The following ARSJ variants were observed in gnomAD, a reference collection of about 807,000 sequenced individuals.
ARSJ encodes the protein arylsulfatase J.
A neutral mutation model predicts 35.9 loss-of-function variants in ARSJ; 26 were observed. The ratio of observed to expected loss-of-function variants is 0.72; its 90% CI spans 0.53 to 1.00. The LOEUF is 1.00. Among genes scored for constraint, ARSJ ranks in the 50% least tolerant of loss-of-function variants. The pLI is 0.00. For missense variants in ARSJ, 667 were observed against 723.6 expected (o/e 0.92, Z 0.90); for synonymous variants, 294 against 267.6 (o/e 1.10, Z -0.96).
intron 1 of ARSJ, among the ~76,000 whole-genome samples, chr4:113,977,931 C>T (rs1331902123): frequency 6.6e-6 from 1 of 152,132 alleles, no homozygotes; most frequent in African/African-American, 2.4e-5. Context: ...CATCAAAGAC[C>T]GAAGCAGAGT....
chr4:113,926,500 C>T (rs1054264480), intron 1 of ARSJ, among the ~76,000 whole-genome samples: 1 of 152,106 alleles, frequency 6.6e-6, no homozygotes, highest in African/African-American at 2.4e-5. Flanking sequence ...GTCTTCTCTT[C>T]TTTTATCAAC....
At chr4:113,962,787 A>C (rs1039934486) in intron 1 of ARSJ, among the ~76,000 whole-genome samples, 4 of 151,998 alleles carry the variant, frequency 2.6e-5, no homozygotes, top group African/African-American at 9.7e-5. Flanking sequence ...CTTCTGCTCC[A>C]AGCTTCCCAG....
chr4:113,944,021 C>CCT (rs1423159285), intron 1 of ARSJ: 2 of 151,962 alleles, frequency 1.3e-5, no homozygotes, highest in African/African-American at 4.8e-5. Flanking sequence ...TCCAAATCTC[C>CCT]CTGGCTGACT....
intron 1 of ARSJ, among the ~76,000 whole-genome samples, chr4:113,923,137 T>C (rs1723790261): frequency 6.6e-6 from 1 of 152,180 alleles, no homozygotes; most frequent in Non-Finnish European, 1.5e-5. Context: ...GCCTATCCTG[T>C]ATATTTTGGG....
chr4:113,961,141 C>T (rs1726514530), intron 1 of ARSJ, among the ~76,000 whole-genome samples: 1 of 151,958 alleles, frequency 6.6e-6, no homozygotes, highest in Non-Finnish European at 1.5e-5. Flanking sequence ...AGAAGTGACA[C>T]CCACACTCTG....
chr4:113,903,925 A>G (rs1562330010), intron 1 of ARSJ, among the ~76,000 whole-genome samples: 1 of 152,174 alleles, frequency 6.6e-6, no homozygotes, highest in Non-Finnish European at 1.5e-5. Flanking sequence ...TTTGCCACTT[A>G]TCTCGAAAGT....
Position 113,901,922 on chromosome 4 carries a change from C to T in ARSJ, c.*352G>A. 5.4e-6 allele frequency: 1 copy of T among 185,678 alleles called. No homozygotes were observed. The allele number at this position is 185,678 out of a possible 1,614,324, so 11.5% of individuals were successfully genotyped here. A position where few individuals can be genotyped will look rare whatever the true frequency, so the allele number is the denominator to read the frequency against. On this transcript the variant is annotated 3_prime_UTR_variant, in exon 2 of 2. Transcript: ENST00000315366. ...TACCCTGTAACTTCCATCAAATTAG[C>T]ATGCTTGCGGATGGTAGGTTATTGT...
chr4:113,960,274 G>C (rs1434539491), intron 1 of ARSJ, among the ~76,000 whole-genome samples: 1 of 152,070 alleles, frequency 6.6e-6, no homozygotes, highest in Admixed American at 6.6e-5. Flanking sequence ...CTACAGCTTA[G>C]TTATTGAATA....
rs764737121 is a variant in ARSJ, at chr4:113,902,190, T to C, written c.*84A>G. 1.2e-5 allele frequency: 19 copies of C among 1,599,260 alleles called. No homozygotes were observed. The highest frequency in any genetic ancestry group is 1.6e-5 in the Non-Finnish European group (19 of 1,179,946). On this transcript the variant is annotated 3_prime_UTR_variant, in exon 2 of 2. Transcript: ENST00000315366. The stretch of plus-strand genomic sequence containing the variant: ...CCTGACGCTTAGGCCAGCGATATTA[T>C]CGAGCCAAATTTGCTGGTTTACCTA...
Position 113,978,318 on chromosome 4 carries a change from T to G in ARSJ, c.398+119A>C, listed in dbSNP as rs1727715233. On this transcript the variant is annotated intron_variant, in intron 1 of 1. Transcript: ENST00000315366. ...CCCAATACCATACATCATTCATTCA[T>G]TCTTCATTCATTCAGTTGTTCCCCA... is the stretch of plus-strand genomic sequence containing the variant. The G allele has an allele frequency of 1.2e-5, 11 of 933,734 alleles. 1 individual carries two copies. Among genetic ancestry groups the G allele is most frequent in the Non-Finnish European group, 1.8e-5 (11 of 624,122 alleles). 57.8% of individuals were successfully genotyped at this position (933,734 alleles called of 1,614,324 possible).
intron 1 of ARSJ, among the ~76,000 whole-genome samples, chr4:113,917,460 A>T (rs560301717): frequency 6.6e-6 from 1 of 152,332 alleles, no homozygotes; most frequent in East Asian, 1.9e-4. Context: ...AAATGCATGT[A>T]AAAGTGCAAG....
intron 1 of ARSJ, among the ~76,000 whole-genome samples, chr4:113,973,173 C>T (rs1030474917): frequency 1.1e-4 from 16 of 152,160 alleles, no homozygotes; most frequent in African/African-American, 2.7e-4. Context: ...CTTTGCCTTC[C>T]TTACTTCCAA....
chr4:113,970,764 G>C (rs1243358730), intron 1 of ARSJ: 1 of 152,226 alleles, frequency 6.6e-6, no homozygotes, highest in African/African-American at 2.4e-5. Context: ...AGACCAGCTT[G>C]GACAACATGG....
chr4:113,936,982 T>C (rs547128198), intron 1 of ARSJ, among the ~76,000 whole-genome samples: 1 of 152,048 alleles, frequency 6.6e-6, no homozygotes, highest in African/African-American at 2.4e-5. Context: ...GCCTGCAATC[T>C]TGTAAAATTC....
intron 1 of ARSJ, among the ~76,000 whole-genome samples, chr4:113,939,657 GC>G (rs1265352067): frequency 1.3e-5 from 2 of 151,972 alleles, no homozygotes; most frequent in African/African-American, 4.8e-5. Context: ...TTCTCTGATG[GC>G]CAGTGATGAT....
chr4:113,957,523 T>C (rs1244719393), intron 1 of ARSJ, among the ~76,000 whole-genome samples: 1 of 152,062 alleles, frequency 6.6e-6, no homozygotes, highest in Non-Finnish European at 1.5e-5. Context: ...TTTGTTACAT[T>C]GAGTGGGAAA....
intron 1 of ARSJ, among the ~76,000 whole-genome samples, chr4:113,942,752 G>T (rs1424023558): frequency 2.0e-5 from 3 of 151,982 alleles, no homozygotes; most frequent in Non-Finnish European, 4.4e-5. Context: ...ATGGAAAAGT[G>T]ATTTTAAAAT....
intron 1 of ARSJ, among the ~76,000 whole-genome samples, chr4:113,958,026 G>A (rs1247777817): frequency 6.6e-6 from 1 of 152,060 alleles, no homozygotes; most frequent in African/African-American, 2.4e-5. Context: ...AAATTTGCAT[G>A]TTGTTTTGGG....
intron 1 of ARSJ, among the ~76,000 whole-genome samples, chr4:113,925,640 G>T (rs1385122142): frequency 6.6e-6 from 1 of 152,168 alleles, no homozygotes; most frequent in Admixed American, 6.5e-5. Context: ...TGCTTTAGCT[G>T]TAAAGTGAGT....
Sources: gnomAD v4.1 joint callset for allele counts (sites outside exome capture counted in the v4.1 genomes callset) on GRCh38, gnomAD v4.1.1 for gene constraint, MANE v1.5 for transcripts, NCBI Gene and HGNC (gene_info 2026-07-23, HGNC 2026-07-21) for gene names.